SGCZ: variants seen among roughly 807,000 people sequenced by gnomAD.
SGCZ encodes zeta-sarcoglycan.
A neutral mutation model predicts 41.3 loss-of-function variants in SGCZ; 40 were observed. The ratio of observed to expected loss-of-function variants is 0.97; its 90% CI spans 0.75 to 1.26. The LOEUF is 1.26. Among genes scored for constraint, SGCZ ranks in the 50% most tolerant of loss-of-function variants. The pLI, the probability that SGCZ is intolerant of heterozygous loss-of-function variation, is 0.00. For missense variants in SGCZ, 552 were observed against 369.8 expected, an observed-to-expected ratio of 1.49 and a Z score of -4.04; for synonymous variants, 206 against 137.5, an observed-to-expected ratio of 1.50 and a Z score of -3.49.
intron 3 of SGCZ, among the ~76,000 whole-genome samples, chr8:14,293,624 A>T (rs1053940218): frequency 3.3e-5 from 5 of 152,088 alleles, no homozygotes; most frequent in Admixed American, 1.3e-4. Flanking sequence ...TCTCCAATCT[A>T]TATAAAATCT....
At chr8:14,309,503 A>G in intron 3 of SGCZ, 1 of 1,608,900 alleles carries the variant, frequency 6.2e-7, no homozygotes, top group Non-Finnish European at 8.5e-7. Flanking sequence ...TAATTGTGAT[A>G]AGAGAGCAGT....
Position 14,383,127 on chromosome 8 carries a change from C to T in SGCZ, c.235-58923G>A, listed in dbSNP as rs145877452. Among the ~76,000 whole-genome samples the T allele has an allele frequency of 3.4e-3, 516 of 152,274 alleles. 1 individual carries two copies. The highest frequency in any genetic ancestry group is 0.02 in the Middle Eastern group (6 of 294). ...GTCTGGCCCAGCCATTCACCAAATA[C>T]AAAGTCTGCAGTAGATATCAGAAGG... On this transcript the variant is annotated intron_variant, in intron 2 of 7. Transcript: ENST00000382080.
chr8:15,017,064 C>T (rs1288348647), intron 1 of SGCZ, among the ~76,000 whole-genome samples: 1 of 152,150 alleles, frequency 6.6e-6, no homozygotes, highest in African/African-American at 2.4e-5. Context: ...CAGCATGAGA[C>T]TTGGAGGGGA....
chr8:14,268,494 G>C lies in SGCZ; in HGVS notation c.337-30815C>G, dbSNP rs145666999. ...TTGCATATTTGCTATAACACAATTG[G>C]AAGTTAATTACTCATTGACAAGTCA... On this transcript the variant is annotated intron_variant, in intron 3 of 7. Coordinates refer to ENST00000382080, the MANE Select transcript of SGCZ (RefSeq NM_139167.4). Among the ~76,000 whole-genome samples, 847 of 151,728 alleles carry C rather than the reference G, an allele frequency of 5.6e-3. 9 individuals are homozygous for C. Among genetic ancestry groups the C allele is most frequent in the African/African-American group, 0.019 (806 of 41,460 alleles).
intron 4 of SGCZ, among the ~76,000 whole-genome samples, chr8:14,195,705 G>A (rs1176454382): frequency 1.3e-5 from 2 of 152,108 alleles, no homozygotes; most frequent in Non-Finnish European, 2.9e-5. Context: ...GAAGGCAGCT[G>A]ATTAATACTG....
intron 1 of SGCZ, among the ~76,000 whole-genome samples, chr8:14,947,537 G>C (rs1189878257): frequency 6.6e-6 from 1 of 152,156 alleles, no homozygotes; most frequent in Non-Finnish European, 1.5e-5. Flanking sequence ...GGACAGTGTT[G>C]AGGAGAGTCA....
chr8:14,460,558 T>C lies in SGCZ; in HGVS notation c.234+94174A>G, dbSNP rs560004459. On this transcript the variant is annotated intron_variant, in intron 2 of 7. Transcript: ENST00000382080. ...GGAGAGGGTCAGGCATGCAAATAGC[T>C]CTTCAGGGCATAGAAAGATGTGCAT... 3.3e-4 allele frequency among the ~76,000 whole-genome samples: 50 copies of C among 152,206 alleles called. 1 individual carries two copies. Among genetic ancestry groups the C allele is most frequent in the African/African-American group, 1.2e-3 (48 of 41,526 alleles).
At chr8:14,117,558 T>TG (rs947199204) in intron 5 of SGCZ, among the ~76,000 whole-genome samples, 12 of 151,480 alleles carry the variant, frequency 7.9e-5, no homozygotes, top group Non-Finnish European at 1.6e-4. Flanking sequence ...TCCAGAGAAT[T>TG]GAAAAAAAAG....
rs920667961 is a variant in SGCZ at position 14,322,629 on chromosome 8, T to C, written c.336+1474A>G. Reference sequence around the variant, plus strand: ...TAAAATTTTGTTCCCACGTAGCGACTACAAATGAACCTAAGTGACTTTAGA... The same window carrying C: ...TAAAATTTTGTTCCCACGTAGCGACCACAAATGAACCTAAGTGACTTTAGA... On this transcript the variant is annotated intron_variant, in intron 3 of 7. Transcript: ENST00000382080. 3.3e-5 allele frequency among the ~76,000 whole-genome samples: 5 copies of C among 152,266 alleles called. No homozygotes were observed. The East Asian group carries it at 9.7e-4, about 29-fold the overall frequency.
chr8:14,698,027 A>G (rs1004019933), intron 1 of SGCZ, among the ~76,000 whole-genome samples: 4 of 152,006 alleles, frequency 2.6e-5, no homozygotes, highest in African/African-American at 9.7e-5. Context: ...AAAGGCCAAC[A>G]TTTCACATTT....
At chr8:14,727,431 G>A (rs73529256) in intron 1 of SGCZ, among the ~76,000 whole-genome samples, 13,422 of 151,900 alleles carry the variant, frequency 0.088, 1,290 homozygotes, top group African/African-American at 0.24. Context: ...AATATCTTAT[G>A]AAATTTAATA....
chr8:15,000,813 C>A (rs1802391964), intron 1 of SGCZ, among the ~76,000 whole-genome samples: 1 of 152,174 alleles, frequency 6.6e-6, no homozygotes, highest in Non-Finnish European at 1.5e-5. Context: ...CGCCATCTAC[C>A]CGCTTTTTGG....
At chr8:15,078,312 C>G (rs1294676402) in intron 1 of SGCZ, among the ~76,000 whole-genome samples, 2 of 151,656 alleles carry the variant, frequency 1.3e-5, no homozygotes, top group Non-Finnish European at 2.9e-5. Flanking sequence ...TATGATCTGC[C>G]TCAGTTGATG....
intron 4 of SGCZ, among the ~76,000 whole-genome samples, chr8:14,208,714 T>C (rs1805698796): frequency 6.6e-6 from 1 of 152,176 alleles, no homozygotes; most frequent in South Asian, 2.1e-4. Flanking sequence ...GTTTTTATCA[T>C]AAAATTATTT....
chr8:15,205,277 GATT>G (rs1563182921), intron 1 of SGCZ, among the ~76,000 whole-genome samples: 1 of 152,088 alleles, frequency 6.6e-6, no homozygotes, highest in African/African-American at 2.4e-5. Flanking sequence ...AAGTTTAAAA[GATT>G]TTGCACAGAA....
chr8:14,235,603 T>C (rs1238276701), intron 4 of SGCZ, among the ~76,000 whole-genome samples: 1 of 152,212 alleles, frequency 6.6e-6, no homozygotes, highest in Non-Finnish European at 1.5e-5. Context: ...CTTCACGTAA[T>C]CAAATGATTG....
intron 1 of SGCZ, among the ~76,000 whole-genome samples, chr8:14,728,953 C>A (rs915873928): frequency 1.3e-5 from 2 of 152,142 alleles, no homozygotes; most frequent in Admixed American, 1.3e-4. Context: ...GCCTATGTTC[C>A]TTTCATGCGA....
At chr8:15,117,196 A>T (rs776737548) in intron 1 of SGCZ, among the ~76,000 whole-genome samples, 16 of 152,090 alleles carry the variant, frequency 1.1e-4, no homozygotes, top group Admixed American at 6.6e-5. Context: ...CGTCTCTACT[A>T]AAAATACAAA....
chr8:14,259,309 G>A (rs1799569892), intron 3 of SGCZ, among the ~76,000 whole-genome samples: 1 of 152,046 alleles, frequency 6.6e-6, no homozygotes, highest in African/African-American at 2.4e-5. Flanking sequence ...AAGCTCTTTA[G>A]TTTAATTAGA....
Sources: allele counts gnomAD v4.1 joint callset (sites outside exome capture counted in the v4.1 genomes callset), GRCh38; gene constraint gnomAD v4.1.1; transcripts MANE v1.5; gene names NCBI Gene and HGNC (gene_info 2026-07-23, HGNC 2026-07-21).